Variants in ZNF385B observed in about 807,000 individuals in gnomAD.
The protein encoded by ZNF385B is zinc finger protein 533.
In ZNF385B, 23 loss-of-function variants were observed where a neutral mutation model predicts 39.2. That is an observed-to-expected ratio of 0.59 (90% CI 0.42 to 0.83). The LOEUF (loss-of-function observed/expected upper bound fraction) is 0.83. Among genes scored for constraint, ZNF385B ranks in the 40% least tolerant of loss-of-function variants. The probability of loss-of-function intolerance (pLI) is 0.00; values close to 1 mark genes in which losing one functional copy is unlikely to be tolerated. For missense variants in ZNF385B, 552 were observed against 598.9 expected, an observed-to-expected ratio of 0.92 and a Z score of 0.82; for synonymous variants, 205 against 222.6, an observed-to-expected ratio of 0.92 and a Z score of 0.70.
intron 3 of ZNF385B, among the ~76,000 whole-genome samples, chr2:179,612,483 G>A (rs6733764): frequency 6.6e-6 from 1 of 151,752 alleles, no homozygotes; most frequent in South Asian, 2.1e-4. Flanking sequence ...TTGCAGACTT[G>A]TAGGGGCACT....
chr2:179,598,079 CT>C lies in ZNF385B; in HGVS notation c.299-53111del, dbSNP rs557326957. On this transcript the variant is annotated intron_variant, in intron 3 of 9. Coordinates refer to ENST00000410066, the MANE Select transcript of ZNF385B (RefSeq NM_152520.6). ...AAACTAGTTTGTGGTTAGTAAAGTG[CT>C]TTTTTTTATATTAGATTCTTTAGGA... is the stretch of plus-strand genomic sequence containing the variant. Among the ~76,000 whole-genome samples the C allele has an allele frequency of 2.7e-3, 416 of 151,868 alleles. 2 individuals carry two copies. The highest frequency in any genetic ancestry group is 3.5e-3 in the Non-Finnish European group (235 of 67,916).
chr2:179,608,663 T>C (rs189063543), intron 3 of ZNF385B, among the ~76,000 whole-genome samples: 1 of 152,240 alleles, frequency 6.6e-6, no homozygotes, highest in East Asian at 1.9e-4. Flanking sequence ...CACTCGGGGA[T>C]ATCATAAAAT....
chr2:179,574,486 C>T (rs991896483), intron 3 of ZNF385B, among the ~76,000 whole-genome samples: 3 of 152,148 alleles, frequency 2.0e-5, no homozygotes, highest in African/African-American at 7.2e-5. Flanking sequence ...TAAGGAGCAG[C>T]GTGGGCTAAA....
At chr2:179,784,931 T>C (rs1275566528) in intron 1 of ZNF385B, among the ~76,000 whole-genome samples, 2 of 152,108 alleles carry the variant, frequency 1.3e-5, no homozygotes, top group African/African-American at 4.8e-5. Context: ...TATTCTTAGG[T>C]ATACTATATC....
chr2:179,563,798 C>CA (rs1157301602), intron 3 of ZNF385B, among the ~76,000 whole-genome samples: 3 of 151,764 alleles, frequency 2.0e-5, no homozygotes, highest in Non-Finnish European at 2.9e-5. Context: ...GGTTTTCACT[C>CA]AAAAAAAAGT....
intron 1 of ZNF385B, among the ~76,000 whole-genome samples, chr2:179,789,518 A>G (rs1705200900): frequency 6.6e-6 from 1 of 152,202 alleles, no homozygotes; most frequent in Non-Finnish European, 1.5e-5. Context: ...AGAAGATGAC[A>G]GGCAAGAATA....
chr2:179,735,775 C>T (rs1187511207), intron 3 of ZNF385B, among the ~76,000 whole-genome samples: 1 of 150,580 alleles, frequency 6.6e-6, no homozygotes, highest in Non-Finnish European at 1.5e-5. Flanking sequence ...AGTAAACTAT[C>T]TCAAGAACTA....
Position 179,556,433 on chromosome 2 carries a change from T to C in ZNF385B, c.299-11464A>G, listed in dbSNP as rs556366713. Among the ~76,000 whole-genome samples, 142 of 149,760 alleles carry C rather than the reference T, an allele frequency of 9.5e-4. 5 individuals are homozygous for C. Among genetic ancestry groups the C allele is most frequent in the Admixed American group, 4.2e-3 (64 of 15,066 alleles). On this transcript the variant is annotated intron_variant, in intron 3 of 9. Transcript: ENST00000410066. ...AGCATGATCATGCAAAAAAAGGAAA[T>C]TGAAAGAAGAAAAAACGGTATTCTA... is the stretch of plus-strand genomic sequence containing the variant.
chr2:179,472,515 G>A (rs1412629812), intron 6 of ZNF385B, among the ~76,000 whole-genome samples: 1 of 152,136 alleles, frequency 6.6e-6, no homozygotes, highest in East Asian at 1.9e-4. Context: ...CAACGAATAA[G>A]ATAATCTCTA....
intron 3 of ZNF385B, among the ~76,000 whole-genome samples, chr2:179,654,276 G>A (rs1693504557): frequency 6.6e-6 from 1 of 152,152 alleles, no homozygotes; most frequent in African/African-American, 2.4e-5. Flanking sequence ...AAGTGGAATT[G>A]CAAAAATAGA....
intron 6 of ZNF385B, among the ~76,000 whole-genome samples, chr2:179,448,384 T>C (rs548655125): frequency 1.3e-5 from 2 of 152,226 alleles, no homozygotes; most frequent in Non-Finnish European, 2.9e-5. Flanking sequence ...TTGGAATTAC[T>C]CAGTTTCTTG....
chr2:179,464,270 T>C (rs975168102), intron 6 of ZNF385B, among the ~76,000 whole-genome samples: 3 of 152,234 alleles, frequency 2.0e-5, no homozygotes, highest in Non-Finnish European at 4.4e-5. Context: ...ATGGCTAGAT[T>C]GCAAAAATTT....
intron 6 of ZNF385B, 35 bp from the exon 7 acceptor site, chr2:179,446,805 C>T: frequency 1.3e-6 from 2 of 1,552,392 alleles, no homozygotes; most frequent in Non-Finnish European, 1.7e-6. Flanking sequence ...ATTGAAGCCT[C>T]ATATATCATA....
intron 3 of ZNF385B, among the ~76,000 whole-genome samples, chr2:179,625,311 A>G (rs1043207037): frequency 1.3e-5 from 2 of 152,042 alleles, no homozygotes; most frequent in Non-Finnish European, 2.9e-5. Context: ...GAATAAGACT[A>G]AGAGAGAGAG....
At chr2:179,737,185 G>A (rs908301950) in intron 3 of ZNF385B, among the ~76,000 whole-genome samples, 1 of 152,094 alleles carries the variant, frequency 6.6e-6, no homozygotes, top group South Asian at 2.1e-4. Context: ...GGCGGTGTGG[G>A]GCTTGAGAGG....
intron 1 of ZNF385B, among the ~76,000 whole-genome samples, chr2:179,857,714 A>G (rs900931501): frequency 4.6e-5 from 7 of 152,220 alleles, no homozygotes; most frequent in Non-Finnish European, 2.9e-5. Flanking sequence ...ACCATTTAAG[A>G]TTATATTTTA....
At chr2:179,675,706 GC>G (rs1374904472) in intron 3 of ZNF385B, among the ~76,000 whole-genome samples, 1 of 152,064 alleles carries the variant, frequency 6.6e-6, no homozygotes, top group Non-Finnish European at 1.5e-5. Flanking sequence ...GCCAAGGAGT[GC>G]TTTGTGTCCA....
Position 179,638,926 on chromosome 2 carries a change from A to G in ZNF385B, c.299-93957T>C, listed in dbSNP as rs139407888. Among the ~76,000 whole-genome samples the G allele has an allele frequency of 3.8e-3, 581 of 152,268 alleles. 6 individuals carry two copies. The highest frequency in any genetic ancestry group is 0.013 in the African/African-American group (551 of 41,556). Reference sequence around the variant, plus strand: ...ACAGAAATGGATTATAATACTATTGAATTGGGAAATGGTCAGGGTCAGTGG... The same window carrying G: ...ACAGAAATGGATTATAATACTATTGGATTGGGAAATGGTCAGGGTCAGTGG... On this transcript the variant is annotated intron_variant, in intron 3 of 9. Coordinates refer to ENST00000410066, the MANE Select transcript of ZNF385B (RefSeq NM_152520.6).
Position 179,769,619 on chromosome 2 carries a change from G to A in ZNF385B, c.182C>T (p.Ala61Val), listed in dbSNP as rs1703898194. Residue 61 changes from alanine (A) to valine (V), a missense_variant, in exon 3 of 10, where the codon GCA becomes GTA. Transcript: ENST00000410066. ...CEVCNIQLNS[A>V]AQAQVHSNGK... ...GTTGGAATGCACCTGAGCCTGGGCT[G>A]CAGAGTTCAGCTGGATGTTGCACAC... is the stretch of plus-strand genomic sequence containing the variant. 6.2e-7 allele frequency: 1 copy of A among 1,614,056 alleles called. No homozygotes were observed. Among genetic ancestry groups the A allele is most frequent in the Non-Finnish European group, 8.5e-7 (1 of 1,180,042 alleles).
Sources: allele counts gnomAD v4.1 joint callset (sites outside exome capture counted in the v4.1 genomes callset), GRCh38; gene constraint gnomAD v4.1.1; transcripts MANE v1.5; gene names NCBI Gene and HGNC (gene_info 2026-07-23, HGNC 2026-07-21).